PPP3R1: variants seen among roughly 807,000 people sequenced by gnomAD.
PPP3R1 encodes calcineurin subunit B type 1.
In PPP3R1, 5 loss-of-function variants were observed where a neutral mutation model predicts 22.6. The observed-to-expected ratio is 0.22, with a 90% CI of 0.12 to 0.46. PPP3R1 has a LOEUF of 0.46. Among genes scored for constraint, PPP3R1 ranks in the 20% least tolerant of loss-of-function variants. The pLI, the probability that PPP3R1 is intolerant of heterozygous loss-of-function variation, is 0.99. For synonymous variants in PPP3R1, 56 were observed against 65.2 expected, an observed-to-expected ratio of 0.86 and a Z score of 0.68; for missense variants, 61 against 203.2, an observed-to-expected ratio of 0.30 and a Z score of 4.25.
chr2:68,244,704 C>T (rs975394575), intron 1 of PPP3R1, among the ~76,000 whole-genome samples: 1 of 152,146 alleles, frequency 6.6e-6, no homozygotes, highest in Non-Finnish European at 1.5e-5. Flanking sequence ...AAAGAACTTA[C>T]TCCAACTGTA....
intron 1 of PPP3R1, among the ~76,000 whole-genome samples, chr2:68,232,795 T>A (rs557143385): frequency 4.6e-5 from 7 of 152,154 alleles, no homozygotes; most frequent in African/African-American, 1.7e-4. Flanking sequence ...TCAATAGAGA[T>A]GAGGTTTTGC....
intron 1 of PPP3R1, among the ~76,000 whole-genome samples, chr2:68,226,152 G>A (rs1669776252): frequency 2.0e-5 from 3 of 152,166 alleles, no homozygotes; most frequent in African/African-American, 7.2e-5. Flanking sequence ...GAAAGTTAAG[G>A]TGTTGTGGGG....
Position 68,217,037 on chromosome 2 carries a change from CACAGAG to C in PPP3R1, c.43+49_43+54del. On this transcript the variant is annotated intron_variant, in intron 2 of 5. Transcript: ENST00000234310. Reference sequence around the variant, plus strand: ...ACACACACACACACACACACACACACACAGAGAGAGATGAGTGAATAAAAGTAACTT... The same window carrying C: ...ACACACACACACACACACACACACACAGAGATGAGTGAATAAAAGTAACTT... 1.6e-6 allele frequency: 2 copies of C among 1,279,946 alleles called. 1 individual carries two copies. The highest frequency in any genetic ancestry group is 2.2e-6 in the Non-Finnish European group (2 of 924,350). The allele number at this position is 1,279,946 out of a possible 1,614,324, so 79.3% of individuals were successfully genotyped here. A position where few individuals can be genotyped will look rare whatever the true frequency, so the allele number is the denominator to read the frequency against.
intron 5 of PPP3R1, 80 bp from the exon 6 acceptor site, chr2:68,181,090 T>TA: frequency 1.5e-6 from 2 of 1,369,672 alleles, no homozygotes; most frequent in South Asian, 2.4e-5. Flanking sequence ...CATCAAATTT[T>TA]AAAAAATATT....
intron 5 of PPP3R1, among the ~76,000 whole-genome samples, chr2:68,182,382 T>C (rs1674433146): frequency 6.6e-6 from 1 of 152,198 alleles, no homozygotes; most frequent in Non-Finnish European, 1.5e-5. Context: ...TTTAAAGTTT[T>C]CAGCTGACTT....
chr2:68,207,922 G>A (rs987384028), intron 2 of PPP3R1, among the ~76,000 whole-genome samples: 1 of 152,190 alleles, frequency 6.6e-6, no homozygotes, highest in African/African-American at 2.4e-5. Flanking sequence ...TTAGGAGGCC[G>A]AGGCAGGCGG....
At position 68,232,263 on chromosome 2, in the gene PPP3R1, GTGTATA is replaced by G. The variant is rs753498910; in HGVS notation, c.4-15138_4-15133del. Among the ~76,000 whole-genome samples, 385 of 57,872 alleles carry G rather than the reference GTGTATA, an allele frequency of 6.7e-3. 1 individual carries two copies. Among genetic ancestry groups the G allele is most frequent in the South Asian group, 0.03 (38 of 1,278 alleles). 38.0% of individuals were successfully genotyped at this position (57,872 alleles called of 152,430 possible). On this transcript the variant is annotated intron_variant, in intron 1 of 5. Coordinates refer to ENST00000234310, the MANE Select transcript of PPP3R1 (RefSeq NM_000945.4). ...TGTGTGTGTGTGTGTGTGTGTGTGTGTGTATATATATATACACACACACAAAAATTA... is the reference window on the plus strand; with the variant it reads ...TGTGTGTGTGTGTGTGTGTGTGTGTGTATATATACACACACACAAAAATTA...
chr2:68,231,341 T>C (rs1280686270), intron 1 of PPP3R1, among the ~76,000 whole-genome samples: 2 of 152,194 alleles, frequency 1.3e-5, no homozygotes, highest in Non-Finnish European at 2.9e-5. Flanking sequence ...TTATGTCTTC[T>C]ATTTCTTTGC....
chr2:68,231,680 A>C (rs1002463131), intron 1 of PPP3R1, among the ~76,000 whole-genome samples: 1 of 152,210 alleles, frequency 6.6e-6, no homozygotes, highest in Non-Finnish European at 1.5e-5. Context: ...TTGCTTTATC[A>C]GTGATATTCT....
Position 68,252,173 on chromosome 2 carries a change from G to C in PPP3R1, c.-46C>G. The C allele has an allele frequency of 1.4e-6, 2 of 1,384,234 alleles. No individual in the cohort carries two copies. Among genetic ancestry groups the C allele is most frequent in the Non-Finnish European group, 1.9e-6 (2 of 1,046,222 alleles). 85.7% of individuals were successfully genotyped at this position (1,384,234 alleles called of 1,614,324 possible). A position where few individuals can be genotyped will look rare whatever the true frequency, so the allele number is the denominator to read the frequency against. ...CTCGCTGGCTCGCTGGCTCGGAGAA[G>C]TGTTGCGCTCAGGCTGGCTCGCAGG... On this transcript the variant is annotated 5_prime_UTR_variant, in exon 1 of 6. Coordinates refer to ENST00000234310, the MANE Select transcript of PPP3R1 (RefSeq NM_000945.4).
At chr2:68,181,120 TG>T (rs1674391048) in intron 5 of PPP3R1, 110 bp from the exon 6 acceptor site, 2 of 1,038,462 alleles carry the variant, frequency 1.9e-6, no homozygotes, top group Non-Finnish European at 2.9e-6. Context: ...CTGGGCGTGG[TG>T]GCTCACACCT....
intron 5 of PPP3R1, among the ~76,000 whole-genome samples, chr2:68,182,946 T>C (rs911093236): frequency 1.1e-4 from 17 of 152,208 alleles, no homozygotes; most frequent in African/African-American, 4.1e-4. Context: ...TTTTATTGTC[T>C]TGAAAGCACT....
chr2:68,182,542 G>A lies in PPP3R1; in HGVS notation c.466-1532C>T, dbSNP rs114961541. Among the ~76,000 whole-genome samples the A allele has an allele frequency of 6.0e-3, 906 of 151,564 alleles. 7 individuals carry two copies. Among genetic ancestry groups the A allele is most frequent in the African/African-American group, 0.021 (851 of 41,246 alleles). Reference sequence around the variant, plus strand: ...GAAATTCAGCATTTTTCAGCCAGGTGCGGTGTCTCACGCCTGTAATCCCAG... The same window carrying A: ...GAAATTCAGCATTTTTCAGCCAGGTACGGTGTCTCACGCCTGTAATCCCAG... On this transcript the variant is annotated intron_variant, in intron 5 of 5. Transcript: ENST00000234310.
intron 5 of PPP3R1, among the ~76,000 whole-genome samples, chr2:68,185,797 C>A (rs1378438172): frequency 6.6e-6 from 1 of 151,402 alleles, no homozygotes. Flanking sequence ...TCTAACTCTT[C>A]CAAAAAAAGA....
At chr2:68,188,434 T>A in intron 3 of PPP3R1, 80 bp downstream of exon 3, 1 of 936,298 alleles carries the variant, frequency 1.1e-6, no homozygotes, top group South Asian at 2.6e-5. Context: ...ATAAGCACTT[T>A]TTTTTTTTTT....
At chr2:68,226,280 AT>A (rs1218794156) in intron 1 of PPP3R1, among the ~76,000 whole-genome samples, 1 of 152,224 alleles carries the variant, frequency 6.6e-6, no homozygotes, top group African/African-American at 2.4e-5. Flanking sequence ...ATCAAGGCAC[AT>A]TAACTATGCA....
chr2:68,216,148 G>A (rs1444699760), intron 2 of PPP3R1, among the ~76,000 whole-genome samples: 2 of 151,956 alleles, frequency 1.3e-5, no homozygotes, highest in African/African-American at 2.4e-5. Context: ...CCATCAAATT[G>A]GATATGGTAA....
intron 1 of PPP3R1, among the ~76,000 whole-genome samples, chr2:68,246,224 G>A (rs563352654): frequency 6.6e-5 from 10 of 151,506 alleles, no homozygotes; most frequent in South Asian, 6.3e-4. Flanking sequence ...ACAGGCACGC[G>A]TCACCAAACC....
intron 2 of PPP3R1, among the ~76,000 whole-genome samples, chr2:68,189,060 TTC>T (rs1275540925): frequency 6.6e-6 from 1 of 152,116 alleles, no homozygotes; most frequent in Non-Finnish European, 1.5e-5. Flanking sequence ...ATCACGGAGG[TTC>T]TACCAGACAG....
Sources: gnomAD v4.1 joint callset for allele counts (sites outside exome capture counted in the v4.1 genomes callset) on GRCh38, gnomAD v4.1.1 for gene constraint, MANE v1.5 for transcripts, NCBI Gene and HGNC (gene_info 2026-07-23, HGNC 2026-07-21) for gene names.